NCKAP5: variants seen among roughly 807,000 people sequenced by gnomAD.
NCKAP5 encodes the protein NCK associated protein 5.
NCKAP5 carries 92 observed loss-of-function variants against 167.0 expected under a neutral mutation model. The observed-to-expected ratio is 0.55, with a 90% CI of 0.47 to 0.66. The LOEUF (loss-of-function observed/expected upper bound fraction) is 0.66, where lower values mean the gene tolerates loss of function less well. Ranked by LOEUF, NCKAP5 falls within the 30% of genes least tolerant of loss-of-function variation. The pLI is 0.00. For missense variants in NCKAP5, 2,378 were observed against 2,315.0 expected (o/e 1.03, Z -0.56); for synonymous variants, 891 against 877.4 (o/e 1.02, Z -0.27).
Position 133,233,759 on chromosome 2 carries a change from A to G in NCKAP5, c.144-19980T>C, listed in dbSNP as rs1197640517. On this transcript the variant is annotated intron_variant, in intron 4 of 19. Transcript: ENST00000409261. ...TACTATTCTACATGCTTTTACATGC[A>G]TCGTCTTATTGAATCCATACAAATC... is the stretch of plus-strand genomic sequence containing the variant. Among the ~76,000 whole-genome samples, 5 of 152,308 alleles carry G rather than the reference A, an allele frequency of 3.3e-5. No individual in the cohort carries two copies. In the South Asian group the frequency reaches 6.2e-4, roughly 19 times the overall value.
intron 6 of NCKAP5, among the ~76,000 whole-genome samples, chr2:133,000,286 G>T (rs969160643): frequency 6.6e-6 from 1 of 152,146 alleles, no homozygotes; most frequent in African/African-American, 2.4e-5. Flanking sequence ...TTCATTTAAT[G>T]ACAGGAAGAA....
chr2:133,511,520 C>G (rs1411715947), intron 3 of NCKAP5, among the ~76,000 whole-genome samples: 2 of 152,214 alleles, frequency 1.3e-5, no homozygotes, highest in Non-Finnish European at 2.9e-5. Context: ...CCACCTCCAC[C>G]CACTCTCAAG....
intron 5 of NCKAP5, among the ~76,000 whole-genome samples, chr2:133,177,098 T>A (rs2084494556): frequency 6.6e-6 from 1 of 151,692 alleles, no homozygotes; most frequent in Non-Finnish European, 1.5e-5. Context: ...AGGCGGCAGA[T>A]ATTTAAGTTT....
In NCKAP5 at chr2:132,783,809, T is replaced by C. The variant is rs778394996; in HGVS notation, c.3002A>G (p.Lys1001Arg). ...CATAGGGTGAGTGAAGATAGGCTTT[T>C]TGAAGGCCACAGAAGGTTTCTTCCT... Reference protein sequence around the residue: ...VQRKKPSVAFKKPIFTHPMPS... With the variant: ...VQRKKPSVAFRKPIFTHPMPS... Residue 1001 changes from lysine (K) to arginine (R), a missense_variant, in exon 14 of 20, where the codon AAA becomes AGA. By Grantham distance (26) the Lys-to-Arg change is conservative (BLOSUM62 2). Coordinates refer to ENST00000409261, the MANE Select transcript of NCKAP5 (RefSeq NM_207363.3). 4 of 1,537,230 alleles carry C rather than the reference T, an allele frequency of 2.6e-6. No homozygotes were observed. Among genetic ancestry groups the C allele is most frequent in the Admixed American group, 4.2e-5 (2 of 47,890 alleles).
intron 8 of NCKAP5, among the ~76,000 whole-genome samples, chr2:132,917,739 A>C (rs900570449): frequency 6.6e-6 from 1 of 152,180 alleles, no homozygotes; most frequent in Non-Finnish European, 1.5e-5. Flanking sequence ...TATTGAGGCC[A>C]TCAGAAACAC....
At chr2:133,059,452 A>C (rs898830960) in intron 6 of NCKAP5, among the ~76,000 whole-genome samples, 1 of 152,116 alleles carries the variant, frequency 6.6e-6, no homozygotes, top group African/African-American at 2.4e-5. Flanking sequence ...TGAGGTGGGC[A>C]AATCACTTGA....
chr2:132,680,677 A>G (rs754535332), intron 19 of NCKAP5, among the ~76,000 whole-genome samples: 3 of 152,210 alleles, frequency 2.0e-5, no homozygotes, highest in Non-Finnish European at 2.9e-5. Flanking sequence ...CAGTGATAAG[A>G]AACATCCCCA....
chr2:132,886,551 G>A (rs1280148775), intron 8 of NCKAP5, among the ~76,000 whole-genome samples: 1 of 152,208 alleles, frequency 6.6e-6, no homozygotes, highest in Non-Finnish European at 1.5e-5. Flanking sequence ...GCTGCATTTA[G>A]TTATAATTTC....
At chr2:133,607,109 T>C in the NCKAP5 span, among the ~76,000 whole-genome samples, 1 of 152,224 alleles carries the variant, frequency 6.6e-6, no homozygotes, top group African/African-American at 2.4e-5. Context: ...TAATGGCTCT[T>C]ACAATTTATT....
chr2:132,980,342 T>TA (rs1278809760), intron 7 of NCKAP5, among the ~76,000 whole-genome samples: 1 of 152,120 alleles, frequency 6.6e-6, no homozygotes, highest in Non-Finnish European at 1.5e-5. Flanking sequence ...TGCGGAAATT[T>TA]AAAAAATCCT....
chr2:133,295,942 T>C (rs1679930356), intron 4 of NCKAP5, among the ~76,000 whole-genome samples: 1 of 152,140 alleles, frequency 6.6e-6, no homozygotes, highest in Non-Finnish European at 1.5e-5. Context: ...TGTCACCAAT[T>C]TGACTTATGA....
intron 3 of NCKAP5, among the ~76,000 whole-genome samples, chr2:133,509,512 T>C (rs887633906): frequency 4.6e-5 from 7 of 151,302 alleles, no homozygotes; most frequent in Admixed American, 3.9e-4. Context: ...GTGTATTTGG[T>C]TCATAAGCAG....
chr2:133,654,887 G>A, the NCKAP5 span, among the ~76,000 whole-genome samples: 2 of 152,072 alleles, frequency 1.3e-5, no homozygotes, highest in African/African-American at 4.8e-5. Context: ...CTTTAACTGG[G>A]GTCTTGGGGA....
the NCKAP5 span, among the ~76,000 whole-genome samples, chr2:133,604,092 C>T: frequency 3.3e-5 from 5 of 152,152 alleles, no homozygotes; most frequent in East Asian, 1.9e-4. Flanking sequence ...AGGAGTTGTG[C>T]GAGGTAGGTA....
chr2:132,893,343 G>A (rs1487148087), intron 8 of NCKAP5, among the ~76,000 whole-genome samples: 1 of 152,188 alleles, frequency 6.6e-6, no homozygotes, highest in African/African-American at 2.4e-5. Context: ...ATATACCAGG[G>A]TGGGTGTACA....
At chr2:133,672,706 G>A in the NCKAP5 span, among the ~76,000 whole-genome samples, 449 of 152,290 alleles carry the variant, frequency 2.9e-3, 2 homozygotes, top group African/African-American at 0.01. Context: ...ACAAATGGGT[G>A]TGGCTCTGTT....
chr2:133,479,472 C>T (rs1276101793), intron 3 of NCKAP5, among the ~76,000 whole-genome samples: 2 of 152,192 alleles, frequency 1.3e-5, no homozygotes, highest in Admixed American at 6.5e-5. Flanking sequence ...TGGAAGGGAA[C>T]ATTTCAAAGT....
At chr2:132,815,418 A>G (rs554301188) in intron 11 of NCKAP5, among the ~76,000 whole-genome samples, 1 of 152,334 alleles carries the variant, frequency 6.6e-6, no homozygotes, top group Admixed American at 6.5e-5. Flanking sequence ...ACTTGTTAGT[A>G]TTCAGCCGAT....
chr2:133,130,188 T>A lies in NCKAP5; in HGVS notation c.208-77A>T, dbSNP rs2082551989. ...TAAGAAATAGCTGGTTATCAAGTGA[T>A]AACTTGAGCTTTATATATATGAATT... is the stretch of plus-strand genomic sequence containing the variant. On this transcript the variant is annotated intron_variant, in intron 5 of 19. Transcript: ENST00000409261. 3 of 1,476,106 alleles carry A rather than the reference T, an allele frequency of 2.0e-6. No homozygotes were observed. The Admixed American group carries it at 7.5e-5, about 37-fold the overall frequency. The allele number at this position is 1,476,106 out of a possible 1,614,324, so 91.4% of individuals were successfully genotyped here. A position where few individuals can be genotyped will look rare whatever the true frequency, so the allele number is the denominator to read the frequency against.
Sources: gnomAD v4.1 joint callset for allele counts (sites outside exome capture counted in the v4.1 genomes callset) on GRCh38, gnomAD v4.1.1 for gene constraint, MANE v1.5 for transcripts, NCBI Gene and HGNC (gene_info 2026-07-23, HGNC 2026-07-21) for gene names.